The following DMD variants were observed in gnomAD, a reference collection of about 807,000 sequenced individuals.
DMD encodes dystrophin, also known as mutant dystrophin.
A neutral mutation model predicts 330.1 loss-of-function variants in DMD; 63 were observed. The ratio of observed to expected loss-of-function variants is 0.19; its 90% CI spans 0.16 to 0.24. The LOEUF (loss-of-function observed/expected upper bound fraction) is 0.24, where lower values mean the gene tolerates loss of function less well. Among genes scored for constraint, DMD ranks in the 10% least tolerant of loss-of-function variants. DMD has a pLI of 1.00. For missense variants in DMD, 3,344 were observed against 2,684.1 expected, an observed-to-expected ratio of 1.25 and a Z score of -5.43; for synonymous variants, 1,223 against 959.8, an observed-to-expected ratio of 1.27 and a Z score of -5.07.
At chrX:32,925,155 T>G (rs866439076) in intron 2 of DMD, among the ~76,000 whole-genome samples, 20 of 84,573 alleles carry the variant, frequency 2.4e-4, no homozygotes, top group African/African-American at 6.4e-4. Flanking sequence ...GTTTTTTTTT[T>G]TTTTTTTTTT....
At chrX:32,141,619 A>G (rs370913066) in intron 44 of DMD, among the ~76,000 whole-genome samples, 12 of 109,307 alleles carry the variant, frequency 1.1e-4, no homozygotes, top group African/African-American at 4.0e-4. Context: ...TTTTTAAAGA[A>G]CTATTTTTAA....
In DMD at chrX:32,674,017, A is replaced by G. The variant is rs776458734; in HGVS notation, c.960+23853T>C. 2.7e-4 allele frequency among the ~76,000 whole-genome samples: 30 copies of G among 111,823 alleles called. 1 individual carries two copies. The highest frequency in any genetic ancestry group is 5.7e-4 in the Admixed American group (6 of 10,449). On this transcript the variant is annotated intron_variant, in intron 9 of 78. Coordinates refer to ENST00000357033, the MANE Select transcript of DMD (RefSeq NM_004006.3). The stretch of plus-strand genomic sequence containing the variant: ...AGCACCAGGACTTTTAAACAACACA[A>G]TAAGTAGAATAATAAAGTAACACAA...
chrX:32,590,592 G>A (rs1327536634), intron 13 of DMD, among the ~76,000 whole-genome samples: 1 of 111,650 alleles, frequency 9.0e-6, no homozygotes, highest in Non-Finnish European at 1.9e-5. Flanking sequence ...TGCTTGGTAA[G>A]TTTACTCACT....
chrX:33,049,551 T>G (rs1199140408), intron 1 of DMD, among the ~76,000 whole-genome samples: 3 of 110,560 alleles, frequency 2.7e-5, no homozygotes, highest in African/African-American at 9.9e-5. Context: ...GAGAGATAGG[T>G]GGGGCAGGTT....
At chrX:32,994,523 G>T (rs1008692453) in intron 2 of DMD, among the ~76,000 whole-genome samples, 2 of 111,589 alleles carry the variant, frequency 1.8e-5, no homozygotes, top group Non-Finnish European at 3.8e-5. Context: ...AGAATTAACT[G>T]AGAGTGCACA....
At chrX:31,799,321 G>T (rs925524558) in intron 50 of DMD, among the ~76,000 whole-genome samples, 2 of 111,662 alleles carry the variant, frequency 1.8e-5, no homozygotes, top group Non-Finnish European at 3.8e-5. Flanking sequence ...CTGCATGGCT[G>T]GGGAGGCCTC....
At chrX:32,397,184 C>T (rs973936440) in intron 30 of DMD, among the ~76,000 whole-genome samples, 3 of 110,971 alleles carry the variant, frequency 2.7e-5, no homozygotes, top group Non-Finnish European at 5.7e-5. Flanking sequence ...TCTAAGTTGT[C>T]CTAAAGATGT....
intron 63 of DMD, among the ~76,000 whole-genome samples, chrX:31,235,372 C>T (rs1245416105): frequency 8.9e-6 from 1 of 111,860 alleles, no homozygotes; most frequent in East Asian, 2.8e-4. Context: ...CCCACAAAGG[C>T]TTAAATTTAG....
intron 44 of DMD, among the ~76,000 whole-genome samples, chrX:32,137,232 G>T (rs1280453854): frequency 9.0e-6 from 1 of 111,173 alleles, no homozygotes; most frequent in East Asian, 2.8e-4. Context: ...GTATGCCATC[G>T]CCAGCAAACC....
chrX:32,898,078 C>A (rs752097556), intron 2 of DMD, among the ~76,000 whole-genome samples: 3 of 112,054 alleles, frequency 2.7e-5, no homozygotes, highest in South Asian at 7.4e-4. Flanking sequence ...CCACGTAAGT[C>A]TTTAATTAAT....
chrX:32,527,843 TAC>T (rs1425533046), intron 17 of DMD, among the ~76,000 whole-genome samples: 1 of 111,244 alleles, frequency 9.0e-6, no homozygotes, highest in Non-Finnish European at 1.9e-5. Context: ...ATAGTTTGTA[TAC>T]ACACACACAA....
intron 55 of DMD, among the ~76,000 whole-genome samples, chrX:31,605,624 CT>C (rs1220186906): frequency 2.7e-5 from 3 of 111,715 alleles, no homozygotes. Flanking sequence ...GCCTGTATCT[CT>C]TGCTCTAAAT....
At chrX:32,438,558 T>G (rs777969436) in intron 28 of DMD, among the ~76,000 whole-genome samples, 168 bp from the exon 29 acceptor site, 46 of 112,033 alleles carry the variant, frequency 4.1e-4, no homozygotes. Flanking sequence ...CTTCAAAAAA[T>G]AGGATGTCAT....
chrX:32,882,056 G>GTTTTGT (rs775354955), intron 2 of DMD, among the ~76,000 whole-genome samples: 31 of 112,172 alleles, frequency 2.8e-4, no homozygotes, highest in African/African-American at 1.0e-3. Context: ...TTTAGCTTGT[G>GTTTTGT]TTTTGTTTTT....
chrX:33,042,139 A>G (rs1434243582), intron 1 of DMD, among the ~76,000 whole-genome samples: 1 of 111,503 alleles, frequency 9.0e-6, no homozygotes, highest in East Asian at 2.8e-4. Flanking sequence ...ATGGAAAAAA[A>G]AGAGAACTTT....
chrX:33,014,037 AGATTCATGTTAAG>A (rs2093753072), intron 2 of DMD, among the ~76,000 whole-genome samples: 1 of 112,105 alleles, frequency 8.9e-6, no homozygotes, highest in African/African-American at 3.2e-5. Context: ...CTGAAAATCT[AGATTCATGTTAAG>A]GATTGATATA....
chrX:31,840,824 G>A (rs777410612), intron 48 of DMD, among the ~76,000 whole-genome samples: 1 of 110,344 alleles, frequency 9.1e-6, no homozygotes, highest in Admixed American at 9.7e-5. Flanking sequence ...TATGTATTCT[G>A]AACGCTCCAC....
intron 62 of DMD, among the ~76,000 whole-genome samples, chrX:31,319,130 T>C (rs750663324): frequency 1.2e-3 from 133 of 111,996 alleles, no homozygotes; most frequent in Non-Finnish European, 2.2e-3. Flanking sequence ...GAGACAATGC[T>C]AACAAATTTC....
intron 44 of DMD, among the ~76,000 whole-genome samples, chrX:32,210,356 A>G (rs1007178883): frequency 4.4e-4 from 49 of 111,542 alleles, no homozygotes; most frequent in African/African-American, 1.5e-3. Flanking sequence ...TATAAAGGAC[A>G]AGCAATGGTA....
Sources: allele counts gnomAD v4.1 joint callset (sites outside exome capture counted in the v4.1 genomes callset), GRCh38; gene constraint gnomAD v4.1.1; transcripts MANE v1.5; gene names NCBI Gene and HGNC (gene_info 2026-07-23, HGNC 2026-07-21).